The following GATB variants were observed in gnomAD, a reference collection of about 807,000 sequenced individuals.
The protein encoded by GATB is glutamyl-tRNA amidotransferase subunit B.
In GATB, 39 loss-of-function variants were observed where a neutral mutation model predicts 62.3. The observed-to-expected ratio is 0.63, with a 90% confidence interval of 0.48 to 0.82. GATB has a LOEUF of 0.82. Among genes scored for constraint, GATB ranks in the 40% least tolerant of loss-of-function variants. The pLI is 0.00. For missense variants in GATB, 670 were observed against 684.0 expected (o/e 0.98, Z 0.23); for synonymous variants, 276 against 258.9 (o/e 1.07, Z -0.63).
intron 9 of GATB, among the ~76,000 whole-genome samples, chr4:151,692,046 T>A (rs1738375443): frequency 6.6e-6 from 1 of 152,214 alleles, no homozygotes; most frequent in Non-Finnish European, 1.5e-5. Context: ...CTACTGCTGC[T>A]GCTGAGGACA....
intron 9 of GATB, among the ~76,000 whole-genome samples, chr4:151,689,989 A>G (rs1560844744): frequency 6.6e-6 from 1 of 152,238 alleles, no homozygotes; most frequent in Non-Finnish European, 1.5e-5. Flanking sequence ...CGTTTTAAGT[A>G]GCAGATTTCC....
chr4:151,737,598 A>G (rs1412222323), intron 2 of GATB, among the ~76,000 whole-genome samples: 1 of 152,150 alleles, frequency 6.6e-6, no homozygotes, highest in Non-Finnish European at 1.5e-5. Flanking sequence ...AGACAGGGGG[A>G]AAATGTCTCC....
intron 2 of GATB, among the ~76,000 whole-genome samples, chr4:151,737,480 T>C (rs1301762447): frequency 2.0e-5 from 3 of 152,142 alleles, no homozygotes; most frequent in Non-Finnish European, 2.9e-5. Flanking sequence ...GTTTGGAAAA[T>C]TTGCAGCCTG....
chr4:151,697,945 GTGTGTGTGTATATATA>G (rs1738506759), intron 9 of GATB, among the ~76,000 whole-genome samples: 3 of 74,692 alleles, frequency 4.0e-5, no homozygotes, highest in African/African-American at 3.0e-4. Context: ...ATATGTGTGT[GTGTGTGTGTATATATA>G]TATATATATA....
intron 3 of GATB, among the ~76,000 whole-genome samples, chr4:151,718,752 C>T (rs1738964889): frequency 1.3e-5 from 2 of 152,320 alleles, no homozygotes; most frequent in South Asian, 4.1e-4. Context: ...TTTTGGGAAA[C>T]CCATTCAACA....
intron 9 of GATB, among the ~76,000 whole-genome samples, chr4:151,693,926 C>A (rs775132137): frequency 6.6e-6 from 1 of 152,222 alleles, no homozygotes; most frequent in African/African-American, 2.4e-5. Context: ...ACAACTTCCC[C>A]CGAATAATCA....
chr4:151,710,572 G>A (rs1403757696), intron 5 of GATB, among the ~76,000 whole-genome samples: 1 of 152,134 alleles, frequency 6.6e-6, no homozygotes, highest in Non-Finnish European at 1.5e-5. Context: ...GTCACCAACA[G>A]TCTCCTGGCT....
intron 9 of GATB, among the ~76,000 whole-genome samples, chr4:151,693,301 G>A (rs983427305): frequency 1.3e-5 from 2 of 152,224 alleles, no homozygotes; most frequent in Non-Finnish European, 2.9e-5. Context: ...GCTAAGGACT[G>A]GAATGTTCAG....
intron 6 of GATB, 25 bp downstream of exon 6, chr4:151,707,963 A>G: frequency 1.4e-6 from 2 of 1,414,960 alleles, no homozygotes; most frequent in Non-Finnish European, 2.0e-6. Flanking sequence ...GAAGAAGGAC[A>G]CTAGGAGCGG....
chr4:151,729,581 G>A (rs919020998), intron 2 of GATB, among the ~76,000 whole-genome samples: 1 of 152,138 alleles, frequency 6.6e-6, no homozygotes, highest in Middle Eastern at 3.2e-3. Context: ...GAGAGGAAGT[G>A]CCATGATGTC....
At chr4:151,722,410 T>C in intron 2 of GATB, 1 of 570,890 alleles carries the variant, frequency 1.8e-6, no homozygotes, top group Non-Finnish European at 3.1e-6. Flanking sequence ...TTCTGTTACC[T>C]GAAGTCCCTC....
At chr4:151,705,555 G>A (rs1226336946) in intron 6 of GATB, among the ~76,000 whole-genome samples, 2 of 152,166 alleles carry the variant, frequency 1.3e-5, no homozygotes, top group Non-Finnish European at 2.9e-5. Flanking sequence ...GCAGAAGTGG[G>A]GCTGGGCCCA....
rs1739938378 is a variant in GATB at position 151,760,799 on chromosome 4, C to T, written c.176+8G>A. On this transcript the variant is annotated splice_region_variant and intron_variant, in intron 1 of 12. Transcript: ENST00000263985. ...GTTAGGTGGGCAGAAATGTATGAAA[C>T]AGAATACCCTTTCCTCGTCTTCTGG... 6.3e-7 allele frequency: 1 copy of T among 1,587,536 alleles called. No individual in the cohort carries two copies. Among genetic ancestry groups the T allele is most frequent in the African/African-American group, 1.4e-5 (1 of 73,932 alleles).
chr4:151,677,230 T>A lies in GATB; in HGVS notation c.1410+2583A>T, dbSNP rs889225419. The A allele has an allele frequency of 5.9e-5, 9 of 152,302 alleles. 1 individual carries two copies. The South Asian group carries it at 6.2e-4, about 11-fold the overall frequency. 9.4% of individuals were successfully genotyped at this position (152,302 alleles called of 1,614,324 possible). A position where few individuals can be genotyped will look rare whatever the true frequency, so the allele number is the denominator to read the frequency against. On this transcript the variant is annotated intron_variant, in intron 11 of 12. Transcript: ENST00000263985. ...CTCTTCTATTAAATTTGGAAAAAAA[T>A]ATCTGTAACACATTTTTCTTTTTTA... is the stretch of plus-strand genomic sequence containing the variant.
intron 2 of GATB, chr4:151,724,499 T>A (rs1739091241): frequency 6.6e-6 from 1 of 152,178 alleles, no homozygotes; most frequent in Non-Finnish European, 1.5e-5. Flanking sequence ...TAAAGTCCAA[T>A]TGCCTGGCAG....
At chr4:151,678,955 C>T (rs1738074938) in intron 11 of GATB, among the ~76,000 whole-genome samples, 1 of 152,150 alleles carries the variant, frequency 6.6e-6, no homozygotes, top group Non-Finnish European at 1.5e-5. Flanking sequence ...TGCAGTGGCA[C>T]AATGATCTCA....
chr4:151,686,555 ACT>A (rs1738250088), intron 10 of GATB, among the ~76,000 whole-genome samples: 1 of 148,474 alleles, frequency 6.7e-6, no homozygotes, highest in Non-Finnish European at 1.5e-5. Flanking sequence ...CCCCCAGAGA[ACT>A]CTCTTTCTGA....
Position 151,760,801 on chromosome 4 carries a change from G to A in GATB, c.176+6C>T, listed in dbSNP as rs1739938756. 6.3e-7 allele frequency: 1 copy of A among 1,597,322 alleles called. No homozygotes were observed. Among genetic ancestry groups the A allele is most frequent in the African/African-American group, 1.3e-5 (1 of 74,288 alleles). ...TAGGTGGGCAGAAATGTATGAAACA[G>A]AATACCCTTTCCTCGTCTTCTGGGC... On this transcript the variant is annotated splice_donor_region_variant and intron_variant, in intron 1 of 12. Transcript: ENST00000263985.
intron 11 of GATB, among the ~76,000 whole-genome samples, chr4:151,678,437 T>TTC (rs35701179): frequency 2.8e-4 from 42 of 150,182 alleles, no homozygotes; most frequent in South Asian, 4.2e-4. Context: ...CAATGTGTTC[T>TTC]TCTCTCTCTC....
Sources: gnomAD v4.1 joint callset for allele counts (sites outside exome capture counted in the v4.1 genomes callset) on GRCh38, gnomAD v4.1.1 for gene constraint, MANE v1.5 for transcripts, NCBI Gene and HGNC (gene_info 2026-07-23, HGNC 2026-07-21) for gene names.